ST6GAL1: variants seen among roughly 807,000 people sequenced by gnomAD.
ST6GAL1 encodes ST6 beta-galactoside alpha-2,6-sialyltransferase 1.
ST6GAL1 carries 20 observed loss-of-function variants against 38.0 expected under a neutral mutation model. That is an observed-to-expected ratio of 0.53 (90% CI 0.37 to 0.77). The LOEUF is 0.77. Among genes scored for constraint, ST6GAL1 ranks in the 30% least tolerant of loss-of-function variants. ST6GAL1 has a pLI of 0.00. For missense variants in ST6GAL1, 432 were observed against 496.4 expected (o/e 0.87, Z 1.23); for synonymous variants, 196 against 188.2 (o/e 1.04, Z -0.34).
chr3:187,003,940 T>A (rs1716700712), intron 2 of ST6GAL1, among the ~76,000 whole-genome samples: 1 of 152,126 alleles, frequency 6.6e-6, no homozygotes. Context: ...GGGATTGATG[T>A]GGTTTGAATA....
At position 187,034,854 on chromosome 3, in the gene ST6GAL1, A is replaced by C. The variant is rs55961252; in HGVS notation, c.-182-3888A>C. ...CCTTGAGAACTGAAACAAGACAAGGATGCCCACTCTCACCACTTCTATTCA... is the reference window on the plus strand; with the variant it reads ...CCTTGAGAACTGAAACAAGACAAGGCTGCCCACTCTCACCACTTCTATTCA... On this transcript the variant is annotated intron_variant, in intron 2 of 7. Coordinates refer to ENST00000169298, the MANE Select transcript of ST6GAL1 (RefSeq NM_173216.2). 8.4e-4 allele frequency among the ~76,000 whole-genome samples: 128 copies of C among 152,340 alleles called. 1 individual carries two copies. Among genetic ancestry groups the C allele is most frequent in the African/African-American group, 3.0e-3 (125 of 41,574 alleles).
At chr3:187,019,991 A>G (rs1474760647) in intron 2 of ST6GAL1, among the ~76,000 whole-genome samples, 1 of 152,186 alleles carries the variant, frequency 6.6e-6, no homozygotes. Flanking sequence ...GAGCACTACC[A>G]GTTTGTTGGT....
At chr3:187,056,957 G>T (rs1050695151) in intron 5 of ST6GAL1, among the ~76,000 whole-genome samples, 1 of 152,064 alleles carries the variant, frequency 6.6e-6, no homozygotes, top group African/African-American at 2.4e-5. Context: ...CGTAGATTTG[G>T]TCTTTTCACA....
At chr3:186,993,231 C>G (rs1280342319) in intron 2 of ST6GAL1, among the ~76,000 whole-genome samples, 1 of 152,244 alleles carries the variant, frequency 6.6e-6, no homozygotes, top group Non-Finnish European at 1.5e-5. Flanking sequence ...CTGGTGGGCC[C>G]TGTTTGGTGG....
intron 1 of ST6GAL1, among the ~76,000 whole-genome samples, chr3:186,941,748 C>T (rs952173853): frequency 1.3e-5 from 2 of 152,128 alleles, no homozygotes; most frequent in East Asian, 1.9e-4. Flanking sequence ...CACGGTGGCT[C>T]ATGCCTGTAA....
At chr3:186,955,941 C>T (rs1440836799) in intron 1 of ST6GAL1, among the ~76,000 whole-genome samples, 3 of 152,142 alleles carry the variant, frequency 2.0e-5, no homozygotes, top group Non-Finnish European at 2.9e-5. Flanking sequence ...ATTTCGCTCT[C>T]TGCTTGTGTT....
chr3:187,075,895 GCC>G lies in ST6GAL1; in HGVS notation c.*93_*94del. 6.5e-7 allele frequency: 1 copy of G among 1,549,564 alleles called. No individual in the cohort carries two copies. Among genetic ancestry groups the G allele is most frequent in the East Asian group, 2.3e-5 (1 of 44,438 alleles). On this transcript the variant is annotated 3_prime_UTR_variant, in exon 8 of 8. Transcript: ENST00000169298. This position sits in a 1 kb window ranked among gnomAD's most constrained non-coding sequence, Gnocchi z 4.1. ...AAGAACATTTTCCTGAACAATTCCAGCCTGCTCCTTTTACTCTAGGGGCCTCT... is the reference window on the plus strand; with the variant it reads ...AAGAACATTTTCCTGAACAATTCCAGTGCTCCTTTTACTCTAGGGGCCTCT...
chr3:186,991,345 G>A (rs1002073311), intron 2 of ST6GAL1, among the ~76,000 whole-genome samples: 29 of 152,148 alleles, frequency 1.9e-4, no homozygotes, highest in African/African-American at 5.8e-4. Flanking sequence ...TCTCTGAAAG[G>A]TCATGCCCTA....
intron 5 of ST6GAL1, 97 bp downstream of exon 5, chr3:187,051,443 T>G: frequency 1.8e-6 from 2 of 1,101,594 alleles, no homozygotes; most frequent in Non-Finnish European, 2.7e-6. Flanking sequence ...AGGCTGCCAA[T>G]TAAGTCTCTT....
At position 187,034,996 on chromosome 3, in the gene ST6GAL1, G is replaced by T. The variant is rs142895817; in HGVS notation, c.-182-3746G>T. On this transcript the variant is annotated intron_variant, in intron 2 of 7. Transcript: ENST00000169298. ...TGCTGACAATATGATTCTATACCTA[G>T]AAAACTATAAAGACACTGCCAAAAG... 7.6e-3 allele frequency among the ~76,000 whole-genome samples: 1,150 copies of T among 152,238 alleles called. 4 individuals are homozygous for T. Among genetic ancestry groups the T allele is most frequent in the Non-Finnish European group, 0.012 (815 of 67,992 alleles).
chr3:187,029,526 A>C (rs1418102887), intron 2 of ST6GAL1, among the ~76,000 whole-genome samples: 1 of 152,208 alleles, frequency 6.6e-6, no homozygotes, highest in Admixed American at 6.5e-5. Flanking sequence ...TAGCAAATTC[A>C]TCACAGGAGA....
intron 5 of ST6GAL1, among the ~76,000 whole-genome samples, chr3:187,052,872 T>G (rs1214218497): frequency 6.6e-6 from 1 of 152,206 alleles, no homozygotes; most frequent in South Asian, 2.1e-4. Flanking sequence ...GGAATTGCCA[T>G]ACTGTCTTCC....
intron 1 of ST6GAL1, among the ~76,000 whole-genome samples, chr3:186,945,311 A>T (rs967879161): frequency 9.9e-5 from 12 of 121,106 alleles, no homozygotes; most frequent in East Asian, 6.4e-4. Context: ...GTCTCTATTT[A>T]AAAAAAAAAA....
intron 3 of ST6GAL1, among the ~76,000 whole-genome samples, chr3:187,040,186 C>T (rs2108578421): frequency 6.6e-6 from 1 of 152,310 alleles, no homozygotes; most frequent in South Asian, 2.1e-4. Context: ...ATAAATGGAG[C>T]TCATAAAATC....
intron 2 of ST6GAL1, among the ~76,000 whole-genome samples, chr3:187,031,938 T>TA (rs1376194859): frequency 1.3e-5 from 2 of 152,252 alleles, no homozygotes; most frequent in Non-Finnish European, 1.5e-5. Context: ...TGTTCATCCC[T>TA]AAGCTATAGT....
intron 2 of ST6GAL1, among the ~76,000 whole-genome samples, chr3:186,971,372 A>G (rs141521845): frequency 0.01 from 1,557 of 152,362 alleles, 12 homozygotes; most frequent in Middle Eastern, 0.054. Flanking sequence ...TGCTGGGATT[A>G]TAGGCGTGAG....
intron 2 of ST6GAL1, among the ~76,000 whole-genome samples, chr3:187,025,187 T>C (rs1442478789): frequency 6.6e-6 from 1 of 152,080 alleles, no homozygotes; most frequent in African/African-American, 2.4e-5. Context: ...AGGCTTAATT[T>C]TTTGTTGGAT....
intron 2 of ST6GAL1, among the ~76,000 whole-genome samples, chr3:187,034,334 G>A (rs1279847029): frequency 6.6e-6 from 1 of 152,092 alleles, no homozygotes; most frequent in Admixed American, 6.6e-5. Flanking sequence ...ATACAAAAAA[G>A]AGCTGGTACC....
chr3:187,051,142 G>C, intron 4 of ST6GAL1, 107 bp from the exon 5 acceptor site: 1 of 950,778 alleles, frequency 1.1e-6, no homozygotes, highest in South Asian at 1.4e-5. Flanking sequence ...ATGGGGTAAA[G>C]ATGGGGAAGC....
Sources: allele counts gnomAD v4.1 joint callset (sites outside exome capture counted in the v4.1 genomes callset), GRCh38; gene constraint gnomAD v4.1.1; non-coding constraint Gnocchi (gnomAD v3.1); transcripts MANE v1.5; gene names NCBI Gene and HGNC (gene_info 2026-07-23, HGNC 2026-07-21).